The following LRP1B variants were observed in gnomAD, a reference collection of about 807,000 sequenced individuals.
LRP1B encodes low-density lipoprotein receptor-related protein 1B.
In LRP1B, 217 loss-of-function variants were observed where a neutral mutation model predicts 556.6. The observed-to-expected ratio is 0.39, with a 90% confidence interval of 0.35 to 0.44. The LOEUF is 0.44. LRP1B is among the 20% of genes least tolerant of loss of function. The pLI, the probability that LRP1B is intolerant of heterozygous loss-of-function variation, is 1.00. For missense variants in LRP1B, 5,053 were observed against 5,620.8 expected, an observed-to-expected ratio of 0.90 and a Z score of 3.23; for synonymous variants, 2,047 against 1,865.8, an observed-to-expected ratio of 1.10 and a Z score of -2.50.
chr2:142,008,666 T>C (rs1001703462), intron 1 of LRP1B, among the ~76,000 whole-genome samples: 2 of 152,138 alleles, frequency 1.3e-5, no homozygotes, highest in Admixed American at 1.3e-4. Context: ...TCTGACTAAC[T>C]GTGGGTGACT....
In LRP1B at chr2:140,315,080, A is replaced by C. The variant is rs2105036958; in HGVS notation, c.12660T>G (p.Thr4220=). ...AAATGCATCTTCCTCCATTTTCACAAGTTAACTTACATGAATCATCTGTTT... is the reference window on the plus strand; with the variant it reads ...AAATGCATCTTCCTCCATTTTCACACGTTAACTTACATGAATCATCTGTTT... ...DSLLDDSCKL[T]CENGGRCILN... is the part of the protein sequence containing the mutation. Residue 4220 remains threonine (T), a synonymous_variant, in exon 83 of 91, where the codon ACT becomes ACG. Transcript: ENST00000389484. The C allele has an allele frequency of 6.2e-7, 1 of 1,608,128 alleles. No homozygotes were observed. The highest frequency in any genetic ancestry group is 1.1e-5 in the South Asian group (1 of 89,926).
At chr2:141,315,256 T>TC (rs1686984241) in intron 3 of LRP1B, among the ~76,000 whole-genome samples, 1 of 126,344 alleles carries the variant, frequency 7.9e-6, no homozygotes, top group Non-Finnish European at 1.7e-5. Context: ...ATTGTAATTT[T>TC]TTTTTTTTTT....
At chr2:140,235,947 A>T (rs1326159220) in intron 89 of LRP1B, among the ~76,000 whole-genome samples, 1 of 151,054 alleles carries the variant, frequency 6.6e-6, no homozygotes, top group Non-Finnish European at 1.5e-5. Flanking sequence ...TCCTTCATAG[A>T]TATAATAGAT....
intron 7 of LRP1B, among the ~76,000 whole-genome samples, chr2:141,064,344 C>T (rs1406075009): frequency 1.3e-5 from 2 of 151,818 alleles, no homozygotes; most frequent in African/African-American, 2.4e-5. Flanking sequence ...AGAGTATAAA[C>T]CAGGTGATGA....
At chr2:141,417,758 A>AT (rs56660575) in intron 3 of LRP1B, among the ~76,000 whole-genome samples, 9,514 of 136,286 alleles carry the variant, frequency 0.07, 450 homozygotes, top group East Asian at 0.18. Context: ...TGGTAGTTCT[A>AT]TTTTTTTTTT....
chr2:141,749,899 C>T (rs917871308), intron 2 of LRP1B, among the ~76,000 whole-genome samples: 2 of 152,028 alleles, frequency 1.3e-5, no homozygotes, highest in Admixed American at 6.6e-5. Context: ...ACTATCTGAA[C>T]CAGGAAGTAG....
intron 1 of LRP1B, among the ~76,000 whole-genome samples, chr2:142,081,168 C>T (rs1705698422): frequency 6.6e-6 from 1 of 151,790 alleles, no homozygotes; most frequent in African/African-American, 2.4e-5. Flanking sequence ...AGTTACAAAG[C>T]TTTATTTTTA....
chr2:141,094,206 T>C (rs2104918277), intron 7 of LRP1B, among the ~76,000 whole-genome samples: 1 of 152,324 alleles, frequency 6.6e-6, no homozygotes, highest in Non-Finnish European at 1.5e-5. Flanking sequence ...AGGAGACTTC[T>C]AAGTACTAAA....
chr2:140,536,303 C>T (rs563796184), intron 46 of LRP1B, among the ~76,000 whole-genome samples: 4 of 98,582 alleles, frequency 4.1e-5, no homozygotes, highest in East Asian at 6.1e-4. Flanking sequence ...AATGAGACCC[C>T]GTCTCTTTAA....
chr2:141,389,135 A>T (rs999642124), intron 3 of LRP1B, among the ~76,000 whole-genome samples: 2 of 152,150 alleles, frequency 1.3e-5, no homozygotes, highest in African/African-American at 4.8e-5. Flanking sequence ...CCAATCCTCA[A>T]ATTCTTATGG....
At chr2:140,821,175 G>T (rs534704903) in intron 31 of LRP1B, among the ~76,000 whole-genome samples, 15 of 152,122 alleles carry the variant, frequency 9.9e-5, no homozygotes, top group African/African-American at 3.6e-4. Flanking sequence ...TCCTCCTGGA[G>T]GATGGTACCA....
chr2:140,725,048 A>G (rs1687543609), intron 35 of LRP1B, among the ~76,000 whole-genome samples: 1 of 152,176 alleles, frequency 6.6e-6, no homozygotes, highest in African/African-American at 2.4e-5. Flanking sequence ...GTAATGTATT[A>G]ATACCTCTAA....
chr2:140,659,113 T>TG (rs1359678436), intron 41 of LRP1B, among the ~76,000 whole-genome samples: 4 of 143,174 alleles, frequency 2.8e-5, no homozygotes, highest in East Asian at 2.0e-4. Context: ...TTTTTTTTTT[T>TG]TTTTTTTTTT....
At chr2:140,691,598 A>G (rs2105400188) in intron 41 of LRP1B, among the ~76,000 whole-genome samples, 1 of 152,282 alleles carries the variant, frequency 6.6e-6, no homozygotes, top group African/African-American at 2.4e-5. Context: ...CAAATGTGGG[A>G]ATTATATCTC....
At chr2:140,815,641 C>A (rs1376013107) in intron 31 of LRP1B, among the ~76,000 whole-genome samples, 1 of 152,068 alleles carries the variant, frequency 6.6e-6, no homozygotes, top group Non-Finnish European at 1.5e-5. Context: ...GTTATATAGG[C>A]AAGCTCATTT....
intron 15 of LRP1B, among the ~76,000 whole-genome samples, chr2:140,997,372 A>G (rs1293466526): frequency 6.6e-6 from 1 of 151,866 alleles, no homozygotes; most frequent in East Asian, 1.9e-4. Flanking sequence ...GCTGCTAATA[A>G]ACTTTTTTTT....
At chr2:140,924,280 G>A (rs1464725713) in intron 20 of LRP1B, among the ~76,000 whole-genome samples, 1 of 151,926 alleles carries the variant, frequency 6.6e-6, no homozygotes, top group African/African-American at 2.4e-5. Context: ...ACTCTTTTGA[G>A]ACCTCTATTT....
chr2:140,690,970 G>T (rs1243021524), intron 41 of LRP1B, among the ~76,000 whole-genome samples: 2 of 151,976 alleles, frequency 1.3e-5, no homozygotes, highest in Admixed American at 6.6e-5. Flanking sequence ...AACTTGAAAA[G>T]CTAAAATTTT....
intron 21 of LRP1B, among the ~76,000 whole-genome samples, chr2:140,921,590 C>A (rs560678801): frequency 1.6e-4 from 24 of 151,970 alleles, no homozygotes; most frequent in Admixed American, 9.9e-4. Flanking sequence ...TCCAAAAAGA[C>A]CATTTCTAAA....
Sources: allele counts gnomAD v4.1 joint callset (sites outside exome capture counted in the v4.1 genomes callset), GRCh38; gene constraint gnomAD v4.1.1; transcripts MANE v1.5; gene names NCBI Gene and HGNC (gene_info 2026-07-23, HGNC 2026-07-21).